NUGGC: variants seen among roughly 807,000 people sequenced by gnomAD.
NUGGC encodes nuclear GTPase SLIP-GC.
A neutral mutation model predicts 92.6 loss-of-function variants in NUGGC; 58 were observed. The observed-to-expected ratio is 0.63, with a 90% CI of 0.51 to 0.78. The LOEUF (loss-of-function observed/expected upper bound fraction) is 0.78. NUGGC is among the 30% of genes least tolerant of loss of function. The pLI is 0.00. For synonymous variants in NUGGC, 376 were observed against 366.4 expected, an observed-to-expected ratio of 1.03 and a Z score of -0.30; for missense variants, 925 against 964.6, an observed-to-expected ratio of 0.96 and a Z score of 0.54.
chr8:28,031,201 A>G (rs1446340767), intron 15 of NUGGC, 42 bp downstream of exon 15: 1 of 1,611,860 alleles, frequency 6.2e-7, no homozygotes, highest in African/African-American at 1.3e-5. Flanking sequence ...GAAGAAAGCC[A>G]TGCCCAACCT....
In NUGGC at chr8:28,026,988, C is replaced by T. The variant is rs1348920236; in HGVS notation, c.2219G>A (p.Gly740Glu). 1.2e-6 allele frequency: 2 copies of T among 1,613,692 alleles called. No homozygotes were observed. The change falls in exon 18 of 19, where the codon GGG (glycine) becomes GAG (glutamate). Residue 740 changes from glycine to glutamate, a missense_variant. By Grantham distance (98) the Gly-to-Glu change is moderately conservative. Coordinates refer to ENST00000413272, the MANE Select transcript of NUGGC (RefSeq NM_001010906.2). Reference protein sequence around the residue: ...TTMLALASSQGDGLYKELADV... With the variant: ...TTMLALASSQEDGLYKELADV... ...TGCAAGCTCCTTGTAGAGGCCATCC[C>T]CCTGGGACGAAGCAAGGGCCAGCAT... is the stretch of plus-strand genomic sequence containing the variant.
rs1308851814 is a variant in NUGGC, at chr8:28,035,951, T to C, written c.1612-2254A>G. 2.0e-5 allele frequency among the ~76,000 whole-genome samples: 3 copies of C among 152,214 alleles called. No homozygotes were observed. In the East Asian group the frequency reaches 5.8e-4, roughly 29 times the overall value. ...AGGCTGGAGTGCAGTGGCACGACCATAGCTCACTGCAGCCTCCAACACCTG... is the reference window on the plus strand; with the variant it reads ...AGGCTGGAGTGCAGTGGCACGACCACAGCTCACTGCAGCCTCCAACACCTG... On this transcript the variant is annotated intron_variant, in intron 13 of 18. Transcript: ENST00000413272.
chr8:28,024,168 C>A (rs1258746566), intron 18 of NUGGC, among the ~76,000 whole-genome samples: 1 of 151,978 alleles, frequency 6.6e-6, no homozygotes, highest in East Asian at 1.9e-4. Flanking sequence ...TTACAGGCAC[C>A]CACCACCTCG....
intron 14 of NUGGC, among the ~76,000 whole-genome samples, chr8:28,032,694 C>T (rs1387718057): frequency 6.7e-6 from 1 of 148,268 alleles, no homozygotes; most frequent in African/African-American, 2.5e-5. Context: ...CCACTCCAGC[C>T]TGGGCGACAG....
At chr8:28,035,478 C>T (rs944349843) in intron 13 of NUGGC, among the ~76,000 whole-genome samples, 1 of 152,192 alleles carries the variant, frequency 6.6e-6, no homozygotes, top group Non-Finnish European at 1.5e-5. Context: ...AGATACCCGG[C>T]TGCTCGCTGG....
intron 13 of NUGGC, among the ~76,000 whole-genome samples, chr8:28,040,386 C>T (rs1809661670): frequency 6.6e-6 from 1 of 152,176 alleles, no homozygotes; most frequent in Admixed American, 6.5e-5. Context: ...ATAGGTAGGG[C>T]AAGCATTGAG....
At chr8:28,040,421 C>T (rs963910104) in intron 13 of NUGGC, among the ~76,000 whole-genome samples, 1 of 152,062 alleles carries the variant, frequency 6.6e-6, no homozygotes, top group African/African-American at 2.4e-5. Context: ...AGTAGAAAAC[C>T]AATAAATTTT....
rs1810907338 is a variant in NUGGC at position 28,083,793 on chromosome 8, A to G, written c.-65T>C. On this transcript the variant is annotated 5_prime_UTR_variant, in exon 1 of 19. Coordinates refer to ENST00000413272, the MANE Select transcript of NUGGC (RefSeq NM_001010906.2). ...AACTTACCAGATGTCACTGAACAGA[A>G]AAAAAAAAAAAAAGTTCTGGTTTGG... The G allele has an allele frequency of 6.7e-6, 1 of 148,460 alleles. No individual in the cohort carries two copies. The highest frequency in any genetic ancestry group is 2.1e-4 in the South Asian group (1 of 4,688). 9.2% of individuals were successfully genotyped at this position (148,460 alleles called of 1,614,324 possible).
At chr8:28,068,180 G>A in intron 5 of NUGGC, 36 bp downstream of exon 5, 2 of 1,274,728 alleles carry the variant, frequency 1.6e-6, no homozygotes, top group Non-Finnish European at 2.2e-6. Flanking sequence ...GAAAAAGGAA[G>A]GAAGGGAAGG....
chr8:28,074,527 G>A, intron 1 of NUGGC, 71 bp from the exon 2 acceptor site: 3 of 951,174 alleles, frequency 3.2e-6, no homozygotes, highest in Non-Finnish European at 5.0e-6. Context: ...CCCTAAGGAT[G>A]TGTCAGTCTG....
At chr8:28,033,150 A>T (rs551919797) in intron 14 of NUGGC, among the ~76,000 whole-genome samples, 29 of 152,158 alleles carry the variant, frequency 1.9e-4, no homozygotes, top group Non-Finnish European at 3.8e-4. Context: ...ACAGAGCAAG[A>T]CCCTGTCTCA....
At chr8:28,053,599 G>A (rs1277280723) in intron 10 of NUGGC, among the ~76,000 whole-genome samples, 1 of 152,184 alleles carries the variant, frequency 6.6e-6, no homozygotes, top group Non-Finnish European at 1.5e-5. Flanking sequence ...TCAGAGGTGT[G>A]GGTTTTAGGC....
intron 1 of NUGGC, among the ~76,000 whole-genome samples, chr8:28,075,007 A>G (rs1242437573): frequency 6.6e-6 from 1 of 152,176 alleles, no homozygotes; most frequent in Non-Finnish European, 1.5e-5. Flanking sequence ...AAATGAGAAT[A>G]AGCCTCTGGT....
chr8:28,083,677 A>G (rs1032073315), intron 1 of NUGGC, 98 bp downstream of exon 1: 1 of 152,186 alleles, frequency 6.6e-6, no homozygotes, highest in Admixed American at 6.5e-5. Flanking sequence ...TATCTTCTCA[A>G]TATTCCTGTA....
At chr8:28,049,028 A>G (rs1173697829) in intron 10 of NUGGC, among the ~76,000 whole-genome samples, 1 of 152,142 alleles carries the variant, frequency 6.6e-6, no homozygotes, top group African/African-American at 2.4e-5. Flanking sequence ...ACATTCACCT[A>G]TAGAATGTGC....
intron 13 of NUGGC, among the ~76,000 whole-genome samples, chr8:28,038,359 A>T (rs1401810521): frequency 6.6e-6 from 1 of 152,196 alleles, no homozygotes; most frequent in Non-Finnish European, 1.5e-5. Context: ...TAATAAGAAA[A>T]ACAGTTGATT....
intron 12 of NUGGC, among the ~76,000 whole-genome samples, chr8:28,045,225 C>T (rs1032557122): frequency 3.9e-5 from 6 of 152,154 alleles, no homozygotes; most frequent in Non-Finnish European, 8.8e-5. Context: ...AGCCAAATCA[C>T]GCCTGCCATC....
intron 7 of NUGGC, among the ~76,000 whole-genome samples, chr8:28,061,780 G>C (rs1415160759): frequency 6.6e-5 from 10 of 152,084 alleles, no homozygotes; most frequent in Non-Finnish European, 1.5e-4. Context: ...TTTTAATTGT[G>C]ACAACCTTGG....
intron 2 of NUGGC, among the ~76,000 whole-genome samples, chr8:28,072,578 G>A (rs1234985235): frequency 6.6e-6 from 1 of 152,112 alleles, no homozygotes; most frequent in Non-Finnish European, 1.5e-5. Flanking sequence ...AACATTGTAA[G>A]GACTGGCAAC....
Sources: gnomAD v4.1 joint callset for allele counts (sites outside exome capture counted in the v4.1 genomes callset) on GRCh38, gnomAD v4.1.1 for gene constraint, MANE v1.5 for transcripts, NCBI Gene and HGNC (gene_info 2026-07-23, HGNC 2026-07-21) for gene names.